Variants in KLB observed in about 807,000 individuals in gnomAD.
The protein encoded by KLB is beta-klotho.
KLB carries 44 observed loss-of-function variants against 88.4 expected under a neutral mutation model. The observed-to-expected ratio is 0.50, with a 90% CI of 0.39 to 0.64. KLB has a LOEUF of 0.64. Among genes scored for constraint, KLB ranks in the 30% least tolerant of loss-of-function variants. The probability of loss-of-function intolerance (pLI) is 0.00; values close to 1 mark genes in which losing one functional copy is unlikely to be tolerated. For synonymous variants in KLB, 548 were observed against 513.4 expected (o/e 1.07, Z -0.91); for missense variants, 1,137 against 1,304.8 (o/e 0.87, Z 1.98).
At chr4:39,425,474 G>A (rs1399360527) in intron 1 of KLB, among the ~76,000 whole-genome samples, 1 of 152,098 alleles carries the variant, frequency 6.6e-6, no homozygotes, top group Admixed American at 6.6e-5. Context: ...CTGTCACCCG[G>A]GCTGGAGTGC....
rs1213965522 is a variant in KLB, at chr4:39,422,158, G to A, written c.826-12052G>A. On this transcript the variant is annotated intron_variant, in intron 1 of 4. Transcript: ENST00000257408. ...CCTGTTCAATCACCTTCGGGTCTACGGTGTAAAAGTGTATTTCAAAGGCAC... is the reference window on the plus strand; with the variant it reads ...CCTGTTCAATCACCTTCGGGTCTACAGTGTAAAAGTGTATTTCAAAGGCAC... Among the ~76,000 whole-genome samples the A allele has an allele frequency of 3.3e-5, 5 of 152,080 alleles. No individual in the cohort carries two copies. In the South Asian group the frequency reaches 6.2e-4, roughly 19 times the overall value.
chr4:39,420,638 C>T (rs937767279), intron 1 of KLB, among the ~76,000 whole-genome samples: 4 of 152,024 alleles, frequency 2.6e-5, no homozygotes, highest in Non-Finnish European at 5.9e-5. Flanking sequence ...GATCCTCCTG[C>T]CTCAGCCTCC....
At position 39,448,355 on chromosome 4, in the gene KLB, A is replaced by G. The variant is rs943692153; in HGVS notation, c.2804A>G (p.Glu935Gly). 3.1e-6 allele frequency: 5 copies of G among 1,613,058 alleles called. No individual in the cohort carries two copies. Among genetic ancestry groups the G allele is most frequent in the Non-Finnish European group, 3.4e-6 (4 of 1,179,182 alleles). ...IKGYYAFKLAEEKSKPRFGFF... is the reference protein window; with the variant it reads ...IKGYYAFKLAGEKSKPRFGFF... ...GGCTATTATGCATTCAAACTGGCTG[A>G]AGAGAAATCTAAACCCAGATTTGGA... The change falls in exon 5 of 5, where the codon GAA becomes GGA. Residue 935 changes from glutamate (E) to glycine (G), a missense_variant. By Grantham distance (98) the Glu-to-Gly change is moderately conservative (BLOSUM62 -2). Coordinates refer to ENST00000257408, the MANE Select transcript of KLB (RefSeq NM_175737.4).
chr4:39,423,620 GA>G (rs1397798119), intron 1 of KLB, among the ~76,000 whole-genome samples: 1 of 151,746 alleles, frequency 6.6e-6, no homozygotes, highest in Admixed American at 6.6e-5. Flanking sequence ...TTGTCTTGCA[GA>G]AGCTGTATTA....
chr4:39,431,083 A>AT (rs1560649316), intron 1 of KLB, among the ~76,000 whole-genome samples: 2 of 107,722 alleles, frequency 1.9e-5, no homozygotes, highest in African/African-American at 5.9e-5. Flanking sequence ...TGCCTGGCTA[A>AT]TTTTTGTATT....
rs566949558 is a variant in KLB at position 39,422,082 on chromosome 4, T to G, written c.826-12128T>G. Among the ~76,000 whole-genome samples, 3 of 152,304 alleles carry G rather than the reference T, an allele frequency of 2.0e-5. No homozygotes were observed. The South Asian group carries it at 6.2e-4, about 32-fold the overall frequency. On this transcript the variant is annotated intron_variant, in intron 1 of 4. Coordinates refer to ENST00000257408, the MANE Select transcript of KLB (RefSeq NM_175737.4). ...TTTCTTAGAGGCTTTCTCAGTCTAC[T>G]GTCCCTTGGTTTTGTGTCATGTCTG...
At chr4:39,428,776 G>A (rs895092807) in intron 1 of KLB, among the ~76,000 whole-genome samples, 12 of 152,064 alleles carry the variant, frequency 7.9e-5, no homozygotes, top group Admixed American at 2.6e-4. Flanking sequence ...GCGTGATCTC[G>A]GCTCACTGCA....
rs751608779 is a variant in KLB at position 39,446,856 on chromosome 4, G to A, written c.2130G>A (p.Gly710=). 2 of 1,611,284 alleles carry A rather than the reference G, an allele frequency of 1.2e-6. No individual in the cohort carries two copies. Among genetic ancestry groups the A allele is most frequent in the Non-Finnish European group, 1.7e-6 (2 of 1,179,960 alleles). ...ACCGCTCTGGCAACGACACCTACGGGGCGGCGCACAACCTGCTGGTGGCCC... is the reference window on the plus strand; with the variant it reads ...ACCGCTCTGGCAACGACACCTACGGAGCGGCGCACAACCTGCTGGTGGCCC... ...IYNRSGNDTY[G]AAHNLLVAHA... is the part of the protein sequence containing the mutation. Residue 710 remains glycine, a synonymous_variant, in exon 4 of 5, where the codon GGG becomes GGA. Coordinates refer to ENST00000257408, the MANE Select transcript of KLB (RefSeq NM_175737.4). The surrounding 1 kb of genome is among the most constrained non-coding windows in gnomAD (Gnocchi z 6.4).
chr4:39,417,786 C>T (rs900124714), intron 1 of KLB, among the ~76,000 whole-genome samples: 4 of 152,120 alleles, frequency 2.6e-5, no homozygotes, highest in African/African-American at 9.7e-5. Flanking sequence ...TATATTATCT[C>T]ATTTAATTCA....
At chr4:39,445,889 G>A (rs1743734706) in intron 3 of KLB, among the ~76,000 whole-genome samples, 2 of 151,934 alleles carry the variant, frequency 1.3e-5, no homozygotes, top group Non-Finnish European at 2.9e-5. Flanking sequence ...CTACCCCACC[G>A]CACCAGCCTT....
intron 2 of KLB, among the ~76,000 whole-genome samples, chr4:39,434,956 A>G (rs1424478516): frequency 7.5e-5 from 11 of 147,068 alleles, no homozygotes; most frequent in Non-Finnish European, 1.4e-4. Context: ...ACAGGTGTCC[A>G]CCACCACGCC....
At chr4:39,439,658 A>ATT (rs1475808283) in intron 3 of KLB, among the ~76,000 whole-genome samples, 2 of 125,632 alleles carry the variant, frequency 1.6e-5, no homozygotes, top group African/African-American at 6.4e-5. Context: ...TGCCTGGCAA[A>ATT]TTTTTCTTTT....
chr4:39,414,725 C>T (rs1334740651), intron 1 of KLB, among the ~76,000 whole-genome samples: 1 of 151,258 alleles, frequency 6.6e-6, no homozygotes, highest in Non-Finnish European at 1.5e-5. Context: ...AAAAATTAGC[C>T]AGGCGCGATG....
At chr4:39,426,451 T>C (rs1409315852) in intron 1 of KLB, among the ~76,000 whole-genome samples, 1 of 146,808 alleles carries the variant, frequency 6.8e-6, no homozygotes, top group African/African-American at 2.5e-5. Flanking sequence ...GCCATGAAAT[T>C]TGGACCATTA....
chr4:39,437,437 C>T (rs1451052980), intron 2 of KLB, among the ~76,000 whole-genome samples: 1 of 152,222 alleles, frequency 6.6e-6, no homozygotes, highest in Non-Finnish European at 1.5e-5. Context: ...ACCATGCCCT[C>T]TGACACAGAT....
chr4:39,416,108 G>GACAC (rs34831449), intron 1 of KLB, among the ~76,000 whole-genome samples: 3,345 of 143,048 alleles, frequency 0.023, 49 homozygotes, highest in African/African-American at 0.046. Flanking sequence ...GTAGATTGCA[G>GACAC]ACACACACAC....
intron 1 of KLB, among the ~76,000 whole-genome samples, chr4:39,414,854 G>A (rs1380780958): frequency 7.8e-6 from 1 of 129,006 alleles, no homozygotes; most frequent in Non-Finnish European, 1.6e-5. Context: ...GGGTAACAGA[G>A]CAAGACTCTG....
intron 1 of KLB, among the ~76,000 whole-genome samples, chr4:39,412,333 T>C (rs948736697): frequency 1.6e-4 from 24 of 152,212 alleles, no homozygotes; most frequent in Non-Finnish European, 1.5e-5. Context: ...ATTATCCTCA[T>C]CTTACAGTGT....
intron 1 of KLB, among the ~76,000 whole-genome samples, chr4:39,420,354 C>T (rs192372089): frequency 1.3e-4 from 20 of 152,082 alleles, no homozygotes; most frequent in Admixed American, 1.1e-3. Flanking sequence ...TGAACATCAA[C>T]GTATTATTAT....
Sources: allele counts gnomAD v4.1 joint callset (sites outside exome capture counted in the v4.1 genomes callset), GRCh38; gene constraint gnomAD v4.1.1; non-coding constraint Gnocchi (gnomAD v3.1); transcripts MANE v1.5; gene names NCBI Gene and HGNC (gene_info 2026-07-23, HGNC 2026-07-21).